Variants in ATP8A1 observed in about 807,000 individuals in gnomAD.
ATP8A1 encodes the protein phospholipid-transporting ATPase IA.
Under a neutral mutation model 177.7 loss-of-function variants are expected in ATP8A1, and 90 were observed. The observed-to-expected ratio is 0.51, with a 90% CI of 0.43 to 0.60. The LOEUF (loss-of-function observed/expected upper bound fraction) is 0.60, where lower values mean the gene tolerates loss of function less well. ATP8A1 is among the 20% of genes least tolerant of loss of function. The probability of loss-of-function intolerance (pLI) is 0.00; values close to 1 mark genes in which losing one functional copy is unlikely to be tolerated. For synonymous variants in ATP8A1, 493 were observed against 485.9 expected (o/e 1.01, Z -0.19); for missense variants, 1,072 against 1,392.8 (o/e 0.77, Z 3.67).
intron 25 of ATP8A1, chr4:42,471,724 T>C (rs1000589894): frequency 3.5e-6 from 1 of 286,038 alleles, no homozygotes. Context: ...TCTAGTTATA[T>C]TGAACCTAGC....
chr4:42,605,070 A>G (rs924171585), intron 5 of ATP8A1, among the ~76,000 whole-genome samples: 7 of 152,314 alleles, frequency 4.6e-5, no homozygotes, highest in Non-Finnish European at 8.8e-5. Context: ...GGATTAATGA[A>G]AATGTTCTAG....
chr4:42,435,460 A>C (rs796612305), intron 33 of ATP8A1, among the ~76,000 whole-genome samples: 2,877 of 107,972 alleles, frequency 0.027, 48 homozygotes, highest in South Asian at 0.083. Context: ...CAAAAAAAAA[A>C]AAACAAACTA....
intron 5 of ATP8A1, 109 bp from the exon 6 acceptor site, chr4:42,600,627 C>A: frequency 1.1e-6 from 1 of 945,990 alleles, no homozygotes; most frequent in South Asian, 1.8e-5. Context: ...TAACTAGTAG[C>A]AATTTTTATA....
At chr4:42,505,213 A>G (rs904579601) in intron 23 of ATP8A1, among the ~76,000 whole-genome samples, 1 of 152,174 alleles carries the variant, frequency 6.6e-6, no homozygotes, top group Non-Finnish European at 1.5e-5. Flanking sequence ...CCTTGCACTT[A>G]ACCAGTACCT....
At chr4:42,436,181 C>T (rs766140503) in intron 33 of ATP8A1, among the ~76,000 whole-genome samples, 2 of 152,176 alleles carry the variant, frequency 1.3e-5, no homozygotes, top group South Asian at 4.1e-4. Context: ...CTGTAGCATA[C>T]GGGTACACCA....
intron 5 of ATP8A1, among the ~76,000 whole-genome samples, chr4:42,615,213 G>C (rs1736781263): frequency 6.6e-6 from 1 of 152,184 alleles, no homozygotes; most frequent in South Asian, 2.1e-4. Flanking sequence ...ATCCTTAAAT[G>C]TATTAAAAAT....
Position 42,464,692 on chromosome 4 carries a change from C to T in ATP8A1, c.2617G>A (p.Glu873Lys). Residue 873 changes from glutamate (E) to lysine (K), a missense_variant and splice_region_variant, in exon 27 of 37, where the codon GAG becomes AAG. Physicochemically the swap from Glu to Lys is moderately conservative, Grantham distance 56 (BLOSUM62 1). Around this residue, in one of 5 missense-constraint regions of ATP8A1, gnomAD observed 316 missense variants for 459.1 expected, o/e 0.69. Transcript: ENST00000381668. Reference sequence around the variant, plus strand: ...TTTAAAATTTAACCTGCTATTACCTCGATAATATAGAGCACTATATTCTTG... The same window carrying T: ...TTTAAAATTTAACCTGCTATTACCTTGATAATATAGAGCACTATATTCTTG... Reference protein sequence around the residue: ...FYKNIVLYIIEIWFAFVNGFS... With the variant: ...FYKNIVLYIIKIWFAFVNGFS... 3 of 1,562,460 alleles carry T rather than the reference C, an allele frequency of 1.9e-6. No individual in the cohort carries two copies. Among genetic ancestry groups the T allele is most frequent in the East Asian group, 2.3e-5 (1 of 44,440 alleles).
chr4:42,581,266 T>C (rs911437787), intron 10 of ATP8A1, among the ~76,000 whole-genome samples: 3 of 152,172 alleles, frequency 2.0e-5, no homozygotes, highest in Non-Finnish European at 4.4e-5. Context: ...CCCGAGTAGC[T>C]GGGATTACAG....
rs1402646103 is a variant in ATP8A1, at chr4:42,635,758, C to CACAT, written c.50-8650_50-8649insATGT. ...ACACACATATATACATATATATACA[C>CACAT]ACACACACACACACACACACACACA... On this transcript the variant is annotated intron_variant, in intron 1 of 36. Transcript: ENST00000381668. Among the ~76,000 whole-genome samples, 108 of 46,738 alleles carry CACAT rather than the reference C, an allele frequency of 2.3e-3. 5 individuals are homozygous for CACAT. The highest frequency in any genetic ancestry group is 7.8e-3 in the African/African-American group (61 of 7,860). 30.7% of individuals were successfully genotyped at this position (46,738 alleles called of 152,430 possible). A position where few individuals can be genotyped will look rare whatever the true frequency, so the allele number is the denominator to read the frequency against.
chr4:42,468,699 A>T (rs999137670), intron 25 of ATP8A1, among the ~76,000 whole-genome samples: 4 of 152,138 alleles, frequency 2.6e-5, no homozygotes, highest in African/African-American at 9.7e-5. Flanking sequence ...GGGACTACAA[A>T]TTGGGTACAG....
intron 6 of ATP8A1, among the ~76,000 whole-genome samples, chr4:42,597,361 G>T (rs931810336): frequency 6.6e-6 from 1 of 152,186 alleles, no homozygotes; most frequent in African/African-American, 2.4e-5. Flanking sequence ...GGCTGCTTTT[G>T]TGCCTGTTCG....
chr4:42,548,876 G>T, intron 19 of ATP8A1, 137 bp downstream of exon 19: 2 of 672,602 alleles, frequency 3.0e-6, no homozygotes, highest in Non-Finnish European at 4.9e-6. Flanking sequence ...ATGTACTAAA[G>T]ATTTTGATTT....
chr4:42,525,186 G>A (rs1042013006), intron 20 of ATP8A1, among the ~76,000 whole-genome samples: 1 of 152,172 alleles, frequency 6.6e-6, no homozygotes, highest in Non-Finnish European at 1.5e-5. Flanking sequence ...CATAGGTGCT[G>A]CAAGGAAGAA....
chr4:42,475,964 G>A (rs968570685), intron 25 of ATP8A1, among the ~76,000 whole-genome samples: 8 of 151,888 alleles, frequency 5.3e-5, no homozygotes, highest in Admixed American at 6.6e-5. Flanking sequence ...ACTTGAACCC[G>A]GGGAGGCAGA....
At position 42,408,843 on chromosome 4, in the gene ATP8A1, TTAAC is replaced by T. The variant is rs1238922756; in HGVS notation, c.*4069_*4072del. 3 of 152,208 alleles carry T rather than the reference TTAAC, an allele frequency of 2.0e-5. No homozygotes were observed. Among genetic ancestry groups the T allele is most frequent in the South Asian group, 2.1e-4 (1 of 4,834 alleles). 9.4% of individuals were successfully genotyped at this position (152,208 alleles called of 1,614,324 possible). ...ACCATGAAACATAAAAATATTATTTTTAACTATTCTGCTCACATCTTTGCAAGAA... is the reference window on the plus strand; with the variant it reads ...ACCATGAAACATAAAAATATTATTTTTATTCTGCTCACATCTTTGCAAGAA... On this transcript the variant is annotated 3_prime_UTR_variant, in exon 37 of 37. Coordinates refer to ENST00000381668, the MANE Select transcript of ATP8A1 (RefSeq NM_006095.2).
At chr4:42,465,539 C>A (rs980649310) in intron 25 of ATP8A1, among the ~76,000 whole-genome samples, 2 of 152,186 alleles carry the variant, frequency 1.3e-5, no homozygotes, top group African/African-American at 4.8e-5. Context: ...TTCTCAGACA[C>A]CATGGAAAAT....
intron 27 of ATP8A1, among the ~76,000 whole-genome samples, chr4:42,456,775 G>A (rs976761798): frequency 4.6e-5 from 7 of 152,246 alleles, no homozygotes; most frequent in African/African-American, 1.4e-4. Context: ...AGAGGAGAGC[G>A]GTCTTGACAT....
intron 15 of ATP8A1, among the ~76,000 whole-genome samples, chr4:42,567,225 G>A (rs1035319297): frequency 2.0e-5 from 3 of 152,124 alleles, no homozygotes; most frequent in African/African-American, 7.2e-5. Context: ...TATAGATGGA[G>A]AATCCAAGTA....
chr4:42,603,566 T>C (rs1316890368), intron 5 of ATP8A1, among the ~76,000 whole-genome samples: 1 of 152,234 alleles, frequency 6.6e-6, no homozygotes, highest in Admixed American at 6.5e-5. Context: ...ATTATGCTCA[T>C]ATGCCTCCCT....
Sources: gnomAD v4.1 joint callset for allele counts (sites outside exome capture counted in the v4.1 genomes callset) on GRCh38, gnomAD v4.1.1 for gene constraint, gnomAD v4.1.1 regional missense constraint, MANE v1.5 for transcripts, NCBI Gene and HGNC (gene_info 2026-07-23, HGNC 2026-07-21) for gene names.